The following STAT6 variants were observed in gnomAD, a reference collection of about 807,000 sequenced individuals.
STAT6 encodes STAT, interleukin4-induced.
A neutral mutation model predicts 106.3 loss-of-function variants in STAT6; 45 were observed. The observed-to-expected ratio is 0.42, with a 90% CI of 0.33 to 0.54. STAT6 has a LOEUF of 0.54. STAT6 is among the 20% of genes least tolerant of loss of function. The pLI, the probability that STAT6 is intolerant of heterozygous loss-of-function variation, is 0.06. For synonymous variants in STAT6, 413 were observed against 413.6 expected (o/e 1.00, Z 0.02); for missense variants, 797 against 1,062.2 (o/e 0.75, Z 3.47).
chr12:57,108,183 G>A lies in STAT6; in HGVS notation c.96C>T (p.Asp32=). 6.2e-7 allele frequency: 1 copy of A among 1,611,418 alleles called. No homozygotes were observed. Among genetic ancestry groups the A allele is most frequent in the Non-Finnish European group, 8.5e-7 (1 of 1,178,798 alleles). Residue 32 remains aspartate (D), a synonymous_variant, in exon 2 of 22, where the codon GAC becomes GAT. Coordinates refer to ENST00000300134, the MANE Select transcript of STAT6 (RefSeq NM_003153.5). ...CTCACCAGGGCTGGCTCTCCAGCCA[G>A]TCACCCAGAAGATGCCGCAGGTGTT... ...FPQHLRHLLG[D]WLESQPWEFL...
rs542460244 is a variant in STAT6 at position 57,096,284 on chromosome 12, C to T, written c.*288G>A. ...AGAGCTCTGTATGTGTGTGTGCGTG[C>T]GTGTGCGCGCTGCAGGTGCAGGCAT... On this transcript the variant is annotated 3_prime_UTR_variant, in exon 22 of 22. Transcript: ENST00000300134. 109 of 409,226 alleles carry T rather than the reference C, an allele frequency of 2.7e-4. No individual in the cohort carries two copies. Among genetic ancestry groups the T allele is most frequent in the Middle Eastern group, 1.3e-3 (2 of 1,512 alleles). The allele number at this position is 409,226 out of a possible 1,614,324, so 25.3% of individuals were successfully genotyped here.
intron 18 of STAT6, 27 bp downstream of exon 18, chr12:57,098,765 C>T: frequency 6.2e-7 from 1 of 1,607,284 alleles, no homozygotes; most frequent in Non-Finnish European, 8.5e-7. Flanking sequence ...ACAGACCACT[C>T]CCATTCCTGT....
In STAT6 at chr12:57,106,214, C is replaced by G. The variant is rs776037019; in HGVS notation, c.657G>C (p.Glu219Asp). The G allele has an allele frequency of 1.9e-6, 3 of 1,614,206 alleles. No homozygotes were observed. The highest frequency in any genetic ancestry group is 1.7e-6 in the Non-Finnish European group (2 of 1,180,032). Reference sequence around the variant, plus strand: ...ACCTCTCCTGGAGTGGGGCCAGGCTCTCCTCAAACGGTGCGCCATTCCCTG... The same window carrying G: ...ACCTCTCCTGGAGTGGGGCCAGGCTGTCCTCAAACGGTGCGCCATTCCCTG... ...QLAGNGAPFEESLAPLQERCE... is the reference protein window; with the variant it reads ...QLAGNGAPFEDSLAPLQERCE... Residue 219 changes from glutamate to aspartate, a missense_variant, in exon 7 of 22, where the codon GAG (glutamate) becomes GAC (aspartate). Glu to Asp is a conservative substitution (Grantham distance 45). Coordinates refer to ENST00000300134, the MANE Select transcript of STAT6 (RefSeq NM_003153.5).
In STAT6 at chr12:57,096,282, TGCGTGTGCGC is replaced by T. The variant is rs2033418996; in HGVS notation, c.*280_*289del. 2.5e-6 allele frequency: 1 copy of T among 407,828 alleles called. No homozygotes were observed. Among genetic ancestry groups the T allele is most frequent in the Non-Finnish European group, 4.4e-6 (1 of 226,216 alleles). 25.3% of individuals were successfully genotyped at this position (407,828 alleles called of 1,614,324 possible). A position where few individuals can be genotyped will look rare whatever the true frequency, so the allele number is the denominator to read the frequency against. On this transcript the variant is annotated 3_prime_UTR_variant, in exon 22 of 22. Transcript: ENST00000300134. Reference sequence around the variant, plus strand: ...AGAGAGCTCTGTATGTGTGTGTGCGTGCGTGTGCGCGCTGCAGGTGCAGGCATGTTGGGGT... The same window carrying T: ...AGAGAGCTCTGTATGTGTGTGTGCGTGCTGCAGGTGCAGGCATGTTGGGGT...
In STAT6 at chr12:57,096,386, G is replaced by T; in HGVS notation, c.*186C>A. 1.6e-6 allele frequency: 1 copy of T among 620,654 alleles called. No individual in the cohort carries two copies. The highest frequency in any genetic ancestry group is 2.9e-5 in the Admixed American group (1 of 34,684). 38.4% of individuals were successfully genotyped at this position (620,654 alleles called of 1,614,324 possible). ...AGGTGGGCAGGGGAATGATAGAAAG[G>T]AAGGAGTGGATTGGCTCCACCCACT... is the stretch of plus-strand genomic sequence containing the variant. On this transcript the variant is annotated 3_prime_UTR_variant, in exon 22 of 22. Transcript: ENST00000300134.
In STAT6 at chr12:57,095,614, ACT is replaced by A. The variant is rs1290752971; in HGVS notation, c.*956_*957del. On this transcript the variant is annotated 3_prime_UTR_variant, in exon 22 of 22. Transcript: ENST00000300134. ...GCCACATGGCCAGGCCTGGACCCAGACTCTCACCCTGGCTCCCAGGCAGCATT... is the reference window on the plus strand; with the variant it reads ...GCCACATGGCCAGGCCTGGACCCAGACTCACCCTGGCTCCCAGGCAGCATT... 1 of 152,020 alleles carries A rather than the reference ACT, an allele frequency of 6.6e-6. No homozygotes were observed. Among genetic ancestry groups the A allele is most frequent in the Non-Finnish European group, 1.5e-5 (1 of 67,972 alleles). The allele number at this position is 152,020 out of a possible 1,614,324, so 9.4% of individuals were successfully genotyped here.
At position 57,096,244 on chromosome 12, in the gene STAT6, C is replaced by A. The variant is rs747115035; in HGVS notation, c.*328G>T. The A allele has an allele frequency of 7.1e-4, 195 of 273,280 alleles. No homozygotes were observed. Among genetic ancestry groups the A allele is most frequent in the Non-Finnish European group, 1.1e-3 (157 of 145,846 alleles). 16.9% of individuals were successfully genotyped at this position (273,280 alleles called of 1,614,324 possible). ...CTTACCCAGCCCCCCTCCTGCTCAG[C>A]CCCATCACCCTCAGAGAGCTCTGTA... On this transcript the variant is annotated 3_prime_UTR_variant, in exon 22 of 22. Coordinates refer to ENST00000300134, the MANE Select transcript of STAT6 (RefSeq NM_003153.5).
At position 57,104,708 on chromosome 12, in the gene STAT6, C is replaced by T. The variant is rs760375047; in HGVS notation, c.1089+18G>A. ...TCTCCTAGTGGTGCCCCCCTCACTG[C>T]ACCCCAAAGCCCCTCACCAGGTTCT... On this transcript the variant is annotated intron_variant, in intron 10 of 21. Transcript: ENST00000300134. 7.4e-6 allele frequency: 12 copies of T among 1,613,978 alleles called. No homozygotes were observed. The highest frequency in any genetic ancestry group is 2.7e-5 in the African/African-American group (2 of 74,924).
rs2034270312 is a variant in STAT6, at chr12:57,106,238, T to C, written c.633A>G (p.Ala211=). The part of the protein sequence containing the change: ...IQIWKRQQQL[A]GNGAPFEESL... ...TCTCCTCAAACGGTGCGCCATTCCC[T>C]GCCAGCTGCTGCTGCCGTTTCCAAA... is the stretch of plus-strand genomic sequence containing the variant. The change falls in exon 7 of 22, where the codon GCA becomes GCG. Residue 211 remains alanine, a synonymous_variant. Coordinates refer to ENST00000300134, the MANE Select transcript of STAT6 (RefSeq NM_003153.5). 1 of 1,614,234 alleles carries C rather than the reference T, an allele frequency of 6.2e-7. No individual in the cohort carries two copies.
Position 57,096,254 on chromosome 12 carries a change from C to T in STAT6, c.*318G>A, listed in dbSNP as rs902624929. 2.0e-5 allele frequency: 6 copies of T among 297,852 alleles called. No individual in the cohort carries two copies. The highest frequency in any genetic ancestry group is 9.8e-5 in the Admixed American group (2 of 20,402). The allele number at this position is 297,852 out of a possible 1,614,324, so 18.5% of individuals were successfully genotyped here. A position where few individuals can be genotyped will look rare whatever the true frequency, so the allele number is the denominator to read the frequency against. The stretch of plus-strand genomic sequence containing the variant: ...CCCCCTCCTGCTCAGCCCCATCACC[C>T]TCAGAGAGCTCTGTATGTGTGTGTG... On this transcript the variant is annotated 3_prime_UTR_variant, in exon 22 of 22. Coordinates refer to ENST00000300134, the MANE Select transcript of STAT6 (RefSeq NM_003153.5).
Position 57,098,903 on chromosome 12 carries a change from C to T in STAT6, c.1956-1G>A. The stretch of plus-strand genomic sequence containing the variant: ...CTCTGGGGTAGGAAGTGGTTGGTCC[C>T]TGGAGGAGGGAAGGAGGTACATGTG... On this transcript the variant is annotated splice_acceptor_variant, in intron 17 of 21. Coordinates refer to ENST00000300134, the MANE Select transcript of STAT6 (RefSeq NM_003153.5). LOFTEE classifies it high-confidence loss of function. 1.2e-6 allele frequency: 2 copies of T among 1,613,794 alleles called. No individual in the cohort carries two copies. The highest frequency in any genetic ancestry group is 1.7e-6 in the Non-Finnish European group (2 of 1,179,802).
Position 57,098,861 on chromosome 12 carries a change from A to G in STAT6, c.1997T>C (p.Met666Thr). ...CATTCCAAGGTCATAAGAAGGCACCATGGTAGGCATCTGGAGCTCTGGGGT... is the reference window on the plus strand; with the variant it reads ...CATTCCAAGGTCATAAGAAGGCACCGTGGTAGGCATCTGGAGCTCTGGGGT... ...LPTPELQMPT[M>T]VPSYDLGMAP... Residue 666 changes from methionine to threonine, a missense_variant, in exon 18 of 22, where the codon ATG becomes ACG. Met to Thr is a moderately conservative substitution (Grantham distance 81). Around this residue, in one of 4 missense-constraint regions of STAT6, gnomAD observed 226 missense variants for 236.7 expected, o/e 0.95. Transcript: ENST00000300134. 1 of 1,613,536 alleles carries G rather than the reference A, an allele frequency of 6.2e-7. No individual in the cohort carries two copies. The highest frequency in any genetic ancestry group is 1.7e-5 in the Admixed American group (1 of 59,796).
rs562522397 is a variant in STAT6, at chr12:57,108,711, G to A, written c.-21-412C>T. On this transcript the variant is annotated intron_variant, in intron 1 of 21. Coordinates refer to ENST00000300134, the MANE Select transcript of STAT6 (RefSeq NM_003153.5). ...GAAAACTTTCCAAACTTTTTAAAGC[G>A]GTAGGCAATGTCAGCTTTTAATCTG... Among the ~76,000 whole-genome samples the A allele has an allele frequency of 6.6e-5, 10 of 152,306 alleles. No homozygotes were observed. In the South Asian group the frequency reaches 1.7e-3, roughly 25 times the overall value.
At position 57,104,455 on chromosome 12, in the gene STAT6, AC is replaced by A. The variant is rs1466929598; in HGVS notation, c.1212+8del. 3.1e-6 allele frequency: 5 copies of A among 1,604,036 alleles called. No homozygotes were observed. Among genetic ancestry groups the A allele is most frequent in the Non-Finnish European group, 4.3e-6 (5 of 1,176,014 alleles). ...TCCCAGATTGGGGCAGGGCTGGGCC[AC>A]GGTTCACCTGGAGCTGGATGGGGAG... On this transcript the variant is annotated splice_region_variant and intron_variant, in intron 11 of 21. Coordinates refer to ENST00000300134, the MANE Select transcript of STAT6 (RefSeq NM_003153.5).
At chr12:57,103,733 A>T (rs1427989103) in intron 11 of STAT6, 1 of 151,636 alleles carries the variant, frequency 6.6e-6, no homozygotes, top group Non-Finnish European at 1.5e-5. Context: ...CGCCCAGCTA[A>T]TTTTTGTATT....
At chr12:57,098,705 C>T (rs2033616781) in intron 18 of STAT6, 87 bp downstream of exon 18, 2 of 1,547,472 alleles carry the variant, frequency 1.3e-6, no homozygotes, top group Admixed American at 1.8e-5. Flanking sequence ...CCCTGTTCAG[C>T]CCCCAGTGCC....
intron 13 of STAT6, among the ~76,000 whole-genome samples, chr12:57,101,134 G>T (rs988459017): frequency 3.3e-5 from 5 of 151,868 alleles, no homozygotes; most frequent in Non-Finnish European, 1.5e-5. Context: ...CTGTTGGCAG[G>T]CTGGAGTGCA....
Position 57,096,978 on chromosome 12 carries a change from C to G in STAT6, c.2226G>C (p.Gln742His), listed in dbSNP as rs1477163883. 2.5e-6 allele frequency: 4 copies of G among 1,612,752 alleles called. No individual in the cohort carries two copies. Among genetic ancestry groups the G allele is most frequent in the Non-Finnish European group, 3.4e-6 (4 of 1,179,376 alleles). ...MSLPFDQPHP[Q>H]GLLPCQPQEH... ...CCTGAGGCTGGCACGGCAGCAGGCC[C>G]CTGCCAGGAACCAGCAATGGAAATA... The change falls in exon 21 of 22, where the codon CAG becomes CAC. Residue 742 changes from glutamine to histidine, a missense_variant and splice_region_variant. Gln to His is a conservative substitution (Grantham distance 24). Transcript: ENST00000300134.
chr12:57,099,987 G>A lies in STAT6; in HGVS notation c.1607+9C>T. On this transcript the variant is annotated intron_variant, in intron 14 of 21. Transcript: ENST00000300134. The surrounding 1 kb of genome is among the most constrained non-coding windows in gnomAD (Gnocchi z 4.7). ...ATGGCTGCTCAGACTACCCAGGGTG[G>A]GGACTCACCGGTCAGACCAGTAGCT... 1 of 1,613,924 alleles carries A rather than the reference G, an allele frequency of 6.2e-7. No individual in the cohort carries two copies. The highest frequency in any genetic ancestry group is 8.5e-7 in the Non-Finnish European group (1 of 1,179,918).
Sources: allele counts gnomAD v4.1 joint callset (sites outside exome capture counted in the v4.1 genomes callset), GRCh38; gene constraint gnomAD v4.1.1; regional missense constraint gnomAD v4.1.1; non-coding constraint Gnocchi (gnomAD v3.1); transcripts MANE v1.5; gene names NCBI Gene and HGNC (gene_info 2026-07-23, HGNC 2026-07-21).